The following SHMT1 variants were observed in gnomAD, a reference collection of about 807,000 sequenced individuals.
SHMT1 encodes the protein serine hydroxymethyltransferase, cytosolic.
A neutral mutation model predicts 49.0 loss-of-function variants in SHMT1; 45 were observed. That is an observed-to-expected ratio of 0.92 (90% confidence interval 0.72 to 1.18). The LOEUF (loss-of-function observed/expected upper bound fraction) is 1.18, where lower values mean the gene tolerates loss of function less well. Among genes scored for constraint, SHMT1 ranks in the 50% most tolerant of loss-of-function variants. The pLI, the probability that SHMT1 is intolerant of heterozygous loss-of-function variation, is 0.00. For missense variants in SHMT1, 541 were observed against 612.4 expected, an observed-to-expected ratio of 0.88 and a Z score of 1.23; for synonymous variants, 232 against 246.6, an observed-to-expected ratio of 0.94 and a Z score of 0.55.
At chr17:18,361,949 C>T (rs901623256) in intron 1 of SHMT1, among the ~76,000 whole-genome samples, 5 of 152,136 alleles carry the variant, frequency 3.3e-5, no homozygotes, top group Admixed American at 6.6e-5. Flanking sequence ...TGATCCTCAA[C>T]GTCAGGGAAA....
At chr17:18,329,012 C>G in intron 11 of SHMT1, 93 bp from the exon 12 acceptor site, 1 of 1,519,210 alleles carries the variant, frequency 6.6e-7, no homozygotes, top group Non-Finnish European at 9.1e-7. Context: ...GAATGTCCCC[C>G]AGCTGGGGAG....
intron 3 of SHMT1, among the ~76,000 whole-genome samples, chr17:18,352,232 GC>G (rs1348243647): frequency 6.7e-6 from 1 of 148,326 alleles, no homozygotes; most frequent in Non-Finnish European, 1.5e-5. Context: ...TGCAAGCTCT[GC>G]CCCCTGGGGT....
intron 1 of SHMT1, among the ~76,000 whole-genome samples, chr17:18,359,060 C>T (rs948906365): frequency 1.3e-5 from 2 of 150,312 alleles, no homozygotes; most frequent in Admixed American, 6.7e-5. Context: ...TCGAGACCAG[C>T]CTGGCCAACA....
In SHMT1 at chr17:18,340,062, G is replaced by C. The variant is rs1281882918; in HGVS notation, c.795C>G (p.Gly265=). The C allele has an allele frequency of 1.1e-5, 17 of 1,613,666 alleles. No individual in the cohort carries two copies. Among genetic ancestry groups the C allele is most frequent in the South Asian group, 1.1e-5 (1 of 91,092 alleles). ...GCTCACCTTTCCTGTAGAAGATCATGCCAGCTCGGCAGCCTCGCAGGGTCT... is the reference window on the plus strand; with the variant it reads ...GCTCACCTTTCCTGTAGAAGATCATCCCAGCTCGGCAGCCTCGCAGGGTCT... ...THKTLRGCRA[G]MIFYRKGVKS... The change falls in exon 7 of 12, where the codon GGC becomes GGG. Residue 265 remains glycine (G), a synonymous_variant. Transcript: ENST00000316694. This position sits in a 1 kb window ranked among gnomAD's most constrained non-coding sequence, Gnocchi z 4.5.
At chr17:18,342,121 A>G (rs573240785) in intron 5 of SHMT1, among the ~76,000 whole-genome samples, 9 of 152,302 alleles carry the variant, frequency 5.9e-5, no homozygotes, top group African/African-American at 2.2e-4. Flanking sequence ...AGCACTATTC[A>G]CAATAGCCAA....
rs553674794 is a variant in SHMT1 at position 18,342,837 on chromosome 17, G to A, written c.520-2024C>T. 1.8e-3 allele frequency among the ~76,000 whole-genome samples: 272 copies of A among 152,074 alleles called. 2 individuals are homozygous for A. The highest frequency in any genetic ancestry group is 6.1e-3 in the African/African-American group (255 of 41,508). On this transcript the variant is annotated intron_variant, in intron 5 of 11. Coordinates refer to ENST00000316694, the MANE Select transcript of SHMT1 (RefSeq NM_004169.5). Reference sequence around the variant, plus strand: ...TGTAATCCCAGCTATTCGGGAGGCTGAGGCAGGAGAATCACTTGAACCCAG... The same window carrying A: ...TGTAATCCCAGCTATTCGGGAGGCTAAGGCAGGAGAATCACTTGAACCCAG...
At chr17:18,330,528 G>T in intron 10 of SHMT1, 27 bp downstream of exon 10, 1 of 1,463,060 alleles carries the variant, frequency 6.8e-7, no homozygotes, top group Non-Finnish European at 9.6e-7. Context: ...GGAGAGGAGT[G>T]AAGGAGAAGG....
chr17:18,330,658 G>A lies in SHMT1; in HGVS notation c.1068C>T (p.Asn356=). ...GYKIVTGGSD[N]HLILVDLRSK... is the part of the protein sequence containing the mutation. ...AACGGAGATCCACAAGGATCAAATGGTTGTCAGAACCACCTGGAAACAAAG... is the reference window on the plus strand; with the variant it reads ...AACGGAGATCCACAAGGATCAAATGATTGTCAGAACCACCTGGAAACAAAG... The change falls in exon 10 of 12, where the codon AAC becomes AAT. Residue 356 remains asparagine (N), a synonymous_variant. Transcript: ENST00000316694. The A allele has an allele frequency of 6.2e-7, 1 of 1,613,408 alleles. No homozygotes were observed. Among genetic ancestry groups the A allele is most frequent in the Non-Finnish European group, 8.5e-7 (1 of 1,179,336 alleles).
chr17:18,357,275 A>G (rs1237849141), intron 1 of SHMT1, among the ~76,000 whole-genome samples: 4 of 82,630 alleles, frequency 4.8e-5, no homozygotes, highest in Non-Finnish European at 8.4e-5. Context: ...GCAAGACTCC[A>G]CCTCAAAAAA....
intron 8 of SHMT1, 85 bp downstream of exon 8, chr17:18,335,474 G>A (rs964465073): frequency 1.8e-5 from 16 of 912,752 alleles, no homozygotes; most frequent in Middle Eastern, 3.4e-4. Context: ...TTTCCCCAGC[G>A]TGGAAGTCCT....
At chr17:18,345,168 G>A (rs1402730798) in intron 5 of SHMT1, among the ~76,000 whole-genome samples, 1 of 152,212 alleles carries the variant, frequency 6.6e-6, no homozygotes, top group African/African-American at 2.4e-5. Flanking sequence ...TCCTGAGGTG[G>A]GTCCCCTCAC....
At chr17:18,348,544 G>C (rs1985348373) in intron 3 of SHMT1, 104 bp from the exon 4 acceptor site, 3 of 799,940 alleles carry the variant, frequency 3.8e-6, no homozygotes, top group African/African-American at 1.7e-5. Context: ...CTAAAGTGGA[G>C]AGAAGTAATG....
chr17:18,354,778 G>A (rs967200529), intron 2 of SHMT1, among the ~76,000 whole-genome samples: 2 of 151,132 alleles, frequency 1.3e-5, no homozygotes, highest in African/African-American at 2.4e-5. Flanking sequence ...GGTGGCTCAC[G>A]CCTGTAATCC....
intron 5 of SHMT1, among the ~76,000 whole-genome samples, chr17:18,344,522 AG>A (rs1252953565): frequency 6.7e-6 from 1 of 148,792 alleles, no homozygotes; most frequent in Non-Finnish European, 1.5e-5. Context: ...AAAAAAAAAA[AG>A]ATTTAAAAAA....
At chr17:18,345,261 TTC>T (rs1315462531) in intron 5 of SHMT1, among the ~76,000 whole-genome samples, 2 of 152,224 alleles carry the variant, frequency 1.3e-5, no homozygotes, top group Non-Finnish European at 2.9e-5. Context: ...CGCAGATTCT[TTC>T]TTTTTTTTTC....
rs1985970942 is a variant in SHMT1 at position 18,353,941 on chromosome 17, C to T, written c.97-124G>A. On this transcript the variant is annotated intron_variant, in intron 2 of 11. Coordinates refer to ENST00000316694, the MANE Select transcript of SHMT1 (RefSeq NM_004169.5). ...CACATTATGGAATAGAATGAATCCT[C>T]CTCAAAGGTTTTAGTATCTGAGAAA... 9.0e-6 allele frequency: 8 copies of T among 891,638 alleles called. No individual in the cohort carries two copies. In the South Asian group the frequency reaches 1.1e-4, roughly 12 times the overall value. 55.2% of individuals were successfully genotyped at this position (891,638 alleles called of 1,614,324 possible). A position where few individuals can be genotyped will look rare whatever the true frequency, so the allele number is the denominator to read the frequency against.
chr17:18,353,137 A>T (rs1199624133), intron 3 of SHMT1, among the ~76,000 whole-genome samples: 1 of 152,144 alleles, frequency 6.6e-6, no homozygotes, highest in Non-Finnish European at 1.5e-5. Flanking sequence ...TAATTCTGTA[A>T]TTTATTTTCT....
At chr17:18,337,541 G>GCCCTCTCCCTCTCCCTCT (rs56981227) in intron 7 of SHMT1, among the ~76,000 whole-genome samples, 2 of 140,568 alleles carry the variant, frequency 1.4e-5, no homozygotes, top group Admixed American at 7.1e-5. Context: ...TAGTCGAACA[G>GCCCTCTCCCTCTCCCTCT]CCCTCTCCCT....
At chr17:18,348,140 G>T (rs1985292399) in intron 4 of SHMT1, 185 bp downstream of exon 4, 2 of 635,278 alleles carry the variant, frequency 3.1e-6, no homozygotes, top group African/African-American at 3.6e-5. Context: ...GGCTGGTCTT[G>T]AACTGCCGGC....
Sources: allele counts gnomAD v4.1 joint callset (sites outside exome capture counted in the v4.1 genomes callset), GRCh38; gene constraint gnomAD v4.1.1; non-coding constraint Gnocchi (gnomAD v3.1); transcripts MANE v1.5; gene names NCBI Gene and HGNC (gene_info 2026-07-23, HGNC 2026-07-21).